ARHGAP22: variants seen among roughly 807,000 people sequenced by gnomAD.
The protein encoded by ARHGAP22 is Rho GTPase activating protein 22.
Under a neutral mutation model 59.1 loss-of-function variants are expected in ARHGAP22, and 48 were observed. That is an observed-to-expected ratio of 0.81 (90% confidence interval 0.64 to 1.03). ARHGAP22 has a LOEUF of 1.03. Ranked by LOEUF, ARHGAP22 falls within the 50% of genes least tolerant of loss-of-function variation. The pLI is 0.00. For synonymous variants in ARHGAP22, 445 were observed against 416.4 expected (o/e 1.07, Z -0.84); for missense variants, 1,015 against 958.7 (o/e 1.06, Z -0.78).
intron 5 of ARHGAP22, among the ~76,000 whole-genome samples, chr10:48,455,394 C>T (rs1479447686): frequency 6.6e-6 from 1 of 152,212 alleles, no homozygotes; most frequent in African/African-American, 2.4e-5. Context: ...CATGCCTAGG[C>T]ACCTGCTCAG....
the ARHGAP22 span, chr10:48,434,850 C>T: frequency 1.3e-6 from 2 of 1,578,572 alleles, no homozygotes; most frequent in Admixed American, 3.5e-5. Flanking sequence ...CAGCTGTCTG[C>T]AACTGATTTG....
chr10:48,630,236 C>T (rs966125976), intron 1 of ARHGAP22, among the ~76,000 whole-genome samples: 2 of 152,126 alleles, frequency 1.3e-5, no homozygotes, highest in Non-Finnish European at 2.9e-5. Context: ...GGACTACAGG[C>T]CCCCGCCACC....
intron 3 of ARHGAP22, among the ~76,000 whole-genome samples, chr10:48,554,604 C>A (rs368420027): frequency 6.6e-6 from 1 of 152,118 alleles, no homozygotes; most frequent in Non-Finnish European, 1.5e-5. Flanking sequence ...AGAGTTTTGT[C>A]CATGTGAGGG....
intron 1 of ARHGAP22, among the ~76,000 whole-genome samples, chr10:48,592,516 T>A (rs537539751): frequency 5.9e-5 from 9 of 152,264 alleles, no homozygotes; most frequent in South Asian, 2.1e-4. Flanking sequence ...TCCAAGATTA[T>A]ACTCCCCCGC....
At chr10:48,458,452 C>T (rs1259340114) in intron 5 of ARHGAP22, among the ~76,000 whole-genome samples, 1 of 152,122 alleles carries the variant, frequency 6.6e-6, no homozygotes, top group African/African-American at 2.4e-5. Flanking sequence ...GAGACCCCCC[C>T]AGCAGGATGG....
rs547980005 is a variant in ARHGAP22, at chr10:48,573,393, G to A, written c.234+9560C>T. Among the ~76,000 whole-genome samples the A allele has an allele frequency of 2.0e-5, 3 of 152,276 alleles. No homozygotes were observed. In the South Asian group the frequency reaches 6.2e-4, roughly 32 times the overall value. On this transcript the variant is annotated intron_variant, in intron 2 of 9. Transcript: ENST00000249601. ...AGCTAGAACCATCCTGGTTACTCAA[G>A]AGAAATCTGCCATTTTTCTCTATCA... is the stretch of plus-strand genomic sequence containing the variant.
intron 1 of ARHGAP22, among the ~76,000 whole-genome samples, chr10:48,618,647 C>G (rs992680149): frequency 6.6e-6 from 1 of 151,944 alleles, no homozygotes; most frequent in Non-Finnish European, 1.5e-5. Flanking sequence ...ATTCAACATC[C>G]CTTCATGATA....
chr10:48,455,670 G>A (rs189712887), intron 5 of ARHGAP22, among the ~76,000 whole-genome samples: 6 of 152,336 alleles, frequency 3.9e-5, no homozygotes, highest in Admixed American at 1.3e-4. Flanking sequence ...CCTGCTCTGC[G>A]GTAGGAACAG....
chr10:48,515,744 G>T (rs1007016934), intron 3 of ARHGAP22, among the ~76,000 whole-genome samples: 2 of 152,126 alleles, frequency 1.3e-5, no homozygotes, highest in African/African-American at 4.8e-5. Context: ...GACTACCAAG[G>T]AATGAAATTA....
At chr10:48,653,175 C>T (rs1331899152), upstream of ARHGAP22, among the ~76,000 whole-genome samples, 1 of 152,222 alleles carries the variant, frequency 6.6e-6, no homozygotes, top group South Asian at 2.1e-4. Flanking sequence ...TAGCACCCTC[C>T]TTGTCTCCTC....
At chr10:48,643,973 C>T (rs1403187015) in intron 1 of ARHGAP22, among the ~76,000 whole-genome samples, 11 of 151,948 alleles carry the variant, frequency 7.2e-5, no homozygotes, top group Non-Finnish European at 8.8e-5. Context: ...CATGGAGAAA[C>T]TCCATCTCTA....
chr10:48,576,309 G>A lies in ARHGAP22; in HGVS notation c.234+6644C>T, dbSNP rs554089680. ...GGCTCAGTGGCCCTTTCTAGAAGAG[G>A]GAGCCCCTGGCCTGGCCTCCCCATT... On this transcript the variant is annotated intron_variant, in intron 2 of 9. Transcript: ENST00000249601. Among the ~76,000 whole-genome samples, 8 of 152,308 alleles carry A rather than the reference G, an allele frequency of 5.3e-5. No homozygotes were observed. The South Asian group carries it at 1.7e-3, about 32-fold the overall frequency.
intron 3 of ARHGAP22, among the ~76,000 whole-genome samples, chr10:48,529,062 A>G (rs1336131159): frequency 6.6e-6 from 1 of 152,198 alleles, no homozygotes; most frequent in Non-Finnish European, 1.5e-5. Context: ...GTAGTATCCC[A>G]TTAAGAACTT....
At chr10:48,476,851 A>G (rs915669137) in intron 4 of ARHGAP22, among the ~76,000 whole-genome samples, 11 of 152,172 alleles carry the variant, frequency 7.2e-5, no homozygotes, top group East Asian at 1.9e-4. Flanking sequence ...TGGACGGGCT[A>G]TTTGGGCCAG....
intron 9 of ARHGAP22, among the ~76,000 whole-genome samples, chr10:48,448,690 C>G (rs1032768535): frequency 2.0e-5 from 3 of 151,578 alleles, no homozygotes; most frequent in Non-Finnish European, 4.4e-5. Context: ...CCCTCACCTT[C>G]CTTCCTGTGC....
chr10:48,650,132 C>CT (rs1272070305), intron 1 of ARHGAP22, among the ~76,000 whole-genome samples: 1 of 140,670 alleles, frequency 7.1e-6, no homozygotes, highest in Non-Finnish European at 1.5e-5. Context: ...CCCCCTCCCC[C>CT]TGTGCTGGAG....
intron 4 of ARHGAP22, among the ~76,000 whole-genome samples, chr10:48,461,185 AT>A (rs1276169050): frequency 1.3e-5 from 2 of 152,226 alleles, no homozygotes; most frequent in Non-Finnish European, 2.9e-5. Flanking sequence ...GACAAAAAAA[AT>A]CATCAGAAAC....
chr10:48,536,596 A>G (rs1280496255), intron 3 of ARHGAP22, among the ~76,000 whole-genome samples: 1 of 152,218 alleles, frequency 6.6e-6, no homozygotes, highest in Non-Finnish European at 1.5e-5. Flanking sequence ...GACCTCCTGT[A>G]AACCAAACCT....
At chr10:48,617,312 CAA>C (rs1037893424) in intron 1 of ARHGAP22, among the ~76,000 whole-genome samples, 54 of 152,024 alleles carry the variant, frequency 3.6e-4, no homozygotes, top group Admixed American at 7.2e-4. Flanking sequence ...AGAAAATTAA[CAA>C]AGAGACATTG....
Sources: gnomAD v4.1 joint callset for allele counts (sites outside exome capture counted in the v4.1 genomes callset) on GRCh38, gnomAD v4.1.1 for gene constraint, MANE v1.5 for transcripts, NCBI Gene and HGNC (gene_info 2026-07-23, HGNC 2026-07-21) for gene names.